PATJ: variants seen among roughly 807,000 people sequenced by gnomAD.
PATJ encodes PATJ crumbs cell polarity complex component, also known as inaD-like protein.
Under a neutral mutation model 224.9 loss-of-function variants are expected in PATJ, and 190 were observed. The ratio of observed to expected loss-of-function variants is 0.84; its 90% CI spans 0.75 to 0.95. PATJ has a LOEUF of 0.95. Ranked by LOEUF, PATJ falls within the 40% of genes least tolerant of loss-of-function variation. PATJ has a pLI of 0.00. For synonymous variants in PATJ, 769 were observed against 820.3 expected (o/e 0.94, Z 1.07); for missense variants, 2,121 against 2,270.3 (o/e 0.93, Z 1.34).
chr1:61,907,435 A>G (rs571563707), intron 24 of PATJ, among the ~76,000 whole-genome samples: 1 of 152,136 alleles, frequency 6.6e-6, no homozygotes, highest in Non-Finnish European at 1.5e-5. Context: ...CTTCTATCCA[A>G]AGCCAGTCTC....
chr1:61,914,680 C>T lies in PATJ; in HGVS notation c.3570+16C>T. On this transcript the variant is annotated intron_variant, in intron 26 of 43. Coordinates refer to ENST00000642238, the MANE Select transcript of PATJ (RefSeq NM_001350145.3). ...GAAAGAAAAGGTAACTTGAACCTCTCAAGGATTTAAAAAATGTTTTTGTTT... is the reference window on the plus strand; with the variant it reads ...GAAAGAAAAGGTAACTTGAACCTCTTAAGGATTTAAAAAATGTTTTTGTTT... The T allele has an allele frequency of 1.4e-6, 2 of 1,458,856 alleles. No homozygotes were observed. The highest frequency in any genetic ancestry group is 1.4e-5 in the African/African-American group (1 of 71,070). The allele number at this position is 1,458,856 out of a possible 1,614,324, so 90.4% of individuals were successfully genotyped here. A position where few individuals can be genotyped will look rare whatever the true frequency, so the allele number is the denominator to read the frequency against.
chr1:61,742,819 C>T (rs1161186699), intron 1 of PATJ, among the ~76,000 whole-genome samples: 1 of 150,330 alleles, frequency 6.7e-6, no homozygotes, highest in Non-Finnish European at 1.5e-5. Flanking sequence ...CGTCCTCCTG[C>T]GTCGGGCCCG....
intron 20 of PATJ, among the ~76,000 whole-genome samples, chr1:61,866,440 T>A (rs1035990794): frequency 1.3e-5 from 2 of 152,218 alleles, no homozygotes; most frequent in African/African-American, 4.8e-5. Context: ...TAATTTTATT[T>A]GAATTCTTCA....
chr1:62,148,202 G>T, intron 41 of PATJ, 82 bp from the exon 42 acceptor site: 1 of 825,448 alleles, frequency 1.2e-6, no homozygotes, highest in East Asian at 2.5e-5. Flanking sequence ...TTAGGATTGA[G>T]AACTGACCCT....
chr1:62,115,251 A>C (rs1336173620), intron 35 of PATJ, among the ~76,000 whole-genome samples: 2 of 152,158 alleles, frequency 1.3e-5, no homozygotes, highest in Non-Finnish European at 2.9e-5. Flanking sequence ...TGGAGGTTGC[A>C]GTGAGCTGAG....
intron 41 of PATJ, among the ~76,000 whole-genome samples, chr1:62,144,047 T>C (rs1169060498): frequency 6.6e-6 from 1 of 152,178 alleles, no homozygotes; most frequent in Non-Finnish European, 1.5e-5. Context: ...TCCAGTACAC[T>C]TGCTGTGGAA....
At position 62,100,477 on chromosome 1, in the gene PATJ, A is replaced by G. The variant is rs1662017474; in HGVS notation, c.4378-7960A>G. On this transcript the variant is annotated intron_variant, in intron 33 of 43. Transcript: ENST00000642238. ...ATTAGGAACTCACTCCCAAGATAGC[A>G]GCATTAATCCATCCTTGAGGGCAGA... 2.6e-5 allele frequency: 18 copies of G among 702,592 alleles called. No individual in the cohort carries two copies. In the South Asian group the frequency reaches 2.8e-4, roughly 11 times the overall value. 43.5% of individuals were successfully genotyped at this position (702,592 alleles called of 1,614,324 possible). A position where few individuals can be genotyped will look rare whatever the true frequency, so the allele number is the denominator to read the frequency against.
At chr1:62,047,696 A>C (rs1226027774) in intron 30 of PATJ, among the ~76,000 whole-genome samples, 1 of 152,238 alleles carries the variant, frequency 6.6e-6, no homozygotes, top group African/African-American at 2.4e-5. Context: ...TTTAAAGAGT[A>C]ATTCCTTTGT....
intron 17 of PATJ, among the ~76,000 whole-genome samples, chr1:61,840,117 A>G (rs1020678906): frequency 6.6e-6 from 1 of 152,024 alleles, no homozygotes; most frequent in Non-Finnish European, 1.5e-5. Flanking sequence ...TCTTGAATAT[A>G]GTATGCCTTA....
chr1:61,868,727 T>G (rs536620859), intron 20 of PATJ, among the ~76,000 whole-genome samples: 172 of 152,120 alleles, frequency 1.1e-3, no homozygotes, highest in Middle Eastern at 3.4e-3. Context: ...AGGCAGAGGT[T>G]GCAGTGAACT....
At chr1:62,049,650 G>A (rs907961575) in intron 30 of PATJ, among the ~76,000 whole-genome samples, 4 of 152,140 alleles carry the variant, frequency 2.6e-5, no homozygotes, top group Admixed American at 6.6e-5. Context: ...CATTTAATAT[G>A]TCACAATTCA....
At chr1:62,075,835 G>A (rs1328035691) in intron 31 of PATJ, among the ~76,000 whole-genome samples, 1 of 151,610 alleles carries the variant, frequency 6.6e-6, no homozygotes, top group African/African-American at 2.4e-5. Flanking sequence ...GGAGAATGAT[G>A]TGAACCCGAG....
At chr1:62,032,646 G>C (rs1418660862) in intron 29 of PATJ, among the ~76,000 whole-genome samples, 1 of 152,134 alleles carries the variant, frequency 6.6e-6, no homozygotes, top group African/African-American at 2.4e-5. Flanking sequence ...CAGAATGTGT[G>C]TTTTCCACAA....
chr1:61,784,884 C>T (rs991357004), intron 7 of PATJ, among the ~76,000 whole-genome samples: 1 of 152,098 alleles, frequency 6.6e-6, no homozygotes, highest in African/African-American at 2.4e-5. Flanking sequence ...TCCTCCTTGC[C>T]TCTGTTTCTG....
chr1:61,759,193 G>A (rs945779117), intron 1 of PATJ, among the ~76,000 whole-genome samples: 2 of 152,132 alleles, frequency 1.3e-5, no homozygotes, highest in African/African-American at 4.8e-5. Context: ...AAAACATGAT[G>A]AGATTTTTTT....
chr1:61,948,672 T>C lies in PATJ; in HGVS notation c.3670+20843T>C, dbSNP rs534780558. On this transcript the variant is annotated intron_variant, in intron 27 of 43. Transcript: ENST00000642238. ...ACAGTGTGGTGATTCCTCAAGGATTTTGAACTAGAAATACCATTTGACCCA... is the reference window on the plus strand; with the variant it reads ...ACAGTGTGGTGATTCCTCAAGGATTCTGAACTAGAAATACCATTTGACCCA... 9.8e-5 allele frequency among the ~76,000 whole-genome samples: 15 copies of C among 152,304 alleles called. No individual in the cohort carries two copies. In the South Asian group the frequency reaches 2.9e-3, roughly 30 times the overall value.
At chr1:61,922,906 A>G (rs1365484538) in intron 26 of PATJ, among the ~76,000 whole-genome samples, 1 of 152,278 alleles carries the variant, frequency 6.6e-6, no homozygotes, top group East Asian at 1.9e-4. Context: ...AACACCACGT[A>G]GGTGAATGAA....
chr1:62,061,083 C>T (rs1425906489), intron 31 of PATJ, among the ~76,000 whole-genome samples: 2 of 152,060 alleles, frequency 1.3e-5, no homozygotes, highest in African/African-American at 2.4e-5. Flanking sequence ...ATGATTGAAC[C>T]TCTGTGAGCG....
intron 41 of PATJ, among the ~76,000 whole-genome samples, chr1:62,134,129 G>A (rs1666557146): frequency 6.6e-6 from 1 of 151,346 alleles, no homozygotes; most frequent in South Asian, 2.1e-4. Flanking sequence ...GTGGAGTAGA[G>A]CATTATTTAG....
Sources: gnomAD v4.1 joint callset for allele counts (sites outside exome capture counted in the v4.1 genomes callset) on GRCh38, gnomAD v4.1.1 for gene constraint, MANE v1.5 for transcripts, NCBI Gene and HGNC (gene_info 2026-07-23, HGNC 2026-07-21) for gene names.